PPP2R2B: variants seen among roughly 807,000 people sequenced by gnomAD.
The protein encoded by PPP2R2B is serine/threonine-protein phosphatase 2A 55 kDa regulatory subunit B beta isoform.
Under a neutral mutation model 46.0 loss-of-function variants are expected in PPP2R2B, and 5 were observed. The observed-to-expected ratio is 0.11, with a 90% CI of 0.06 to 0.23. PPP2R2B has a LOEUF of 0.23. PPP2R2B is among the 10% of genes least tolerant of loss of function. PPP2R2B has a pLI of 1.00. For missense variants in PPP2R2B, 367 were observed against 575.0 expected, an observed-to-expected ratio of 0.64 and a Z score of 3.70; for synonymous variants, 215 against 206.7, an observed-to-expected ratio of 1.04 and a Z score of -0.34.
intron 1 of PPP2R2B, among the ~76,000 whole-genome samples, chr5:146,988,194 A>G (rs1197583395): frequency 6.6e-6 from 1 of 152,008 alleles, no homozygotes; most frequent in East Asian, 1.9e-4. Context: ...ACCCAACTTC[A>G]GCAATGAACA....
chr5:146,775,100 AAAACAAAAACACAG>A (rs1282466828), intron 2 of PPP2R2B, among the ~76,000 whole-genome samples: 3 of 152,198 alleles, frequency 2.0e-5, no homozygotes, highest in East Asian at 3.9e-4. Flanking sequence ...CAAAAAAACG[AAAACAAAAACACAG>A]AAACAAAAAC....
At chr5:146,817,411 A>G (rs909283122) in intron 2 of PPP2R2B, among the ~76,000 whole-genome samples, 3 of 152,294 alleles carry the variant, frequency 2.0e-5, no homozygotes, top group African/African-American at 7.2e-5. Context: ...TTTGATGATA[A>G]ATGTATTTAT....
At chr5:146,678,797 C>T (rs62375668) in intron 5 of PPP2R2B, among the ~76,000 whole-genome samples, 5 of 126,920 alleles carry the variant, frequency 3.9e-5, no homozygotes, top group East Asian at 2.6e-4. Context: ...TTCACAATTG[C>T]TTCAAAGAGA....
At chr5:146,598,933 CT>C (rs1387652334) in intron 8 of PPP2R2B, among the ~76,000 whole-genome samples, 1 of 152,084 alleles carries the variant, frequency 6.6e-6, no homozygotes, top group African/African-American at 2.4e-5. Context: ...TGTGAGTAAA[CT>C]AAGATCATTG....
chr5:146,864,106 A>G lies in PPP2R2B; in HGVS notation c.70+13896T>C, dbSNP rs549447153. Reference sequence around the variant, plus strand: ...TAGAAACTTGTTCTAAAAAATAAAGACACGGTTTAGAGTCATGCCATTATT... The same window carrying G: ...TAGAAACTTGTTCTAAAAAATAAAGGCACGGTTTAGAGTCATGCCATTATT... On this transcript the variant is annotated intron_variant, in intron 2 of 9. Coordinates refer to ENST00000394411, the MANE Select transcript of PPP2R2B (RefSeq NM_181675.4). Among the ~76,000 whole-genome samples the G allele has an allele frequency of 3.3e-5, 5 of 152,330 alleles. No individual in the cohort carries two copies. In the East Asian group the frequency reaches 9.6e-4, roughly 29 times the overall value.
intron 5 of PPP2R2B, among the ~76,000 whole-genome samples, chr5:146,666,348 C>T (rs1241473289): frequency 1.3e-5 from 2 of 152,116 alleles, no homozygotes; most frequent in Admixed American, 6.6e-5. Flanking sequence ...AGATATGGAA[C>T]CGTAAATATA....
At chr5:146,818,339 TA>T (rs1327445786) in intron 2 of PPP2R2B, among the ~76,000 whole-genome samples, 2 of 145,480 alleles carry the variant, frequency 1.4e-5, no homozygotes, top group East Asian at 2.1e-4. Flanking sequence ...TCATCTATGC[TA>T]AAAAAAATTC....
chr5:146,754,156 C>T (rs1013750024), intron 2 of PPP2R2B, among the ~76,000 whole-genome samples: 2 of 152,170 alleles, frequency 1.3e-5, no homozygotes, highest in Admixed American at 6.5e-5. Context: ...TTACAACAGC[C>T]GTTCTGGAGG....
chr5:147,023,936 T>C (rs933627875), intron 1 of PPP2R2B, among the ~76,000 whole-genome samples: 1 of 152,198 alleles, frequency 6.6e-6, no homozygotes, highest in Non-Finnish European at 1.5e-5. Context: ...TGCGTCTTCA[T>C]CTGCAGAATT....
At chr5:146,913,131 G>A (rs573322156) in intron 1 of PPP2R2B, among the ~76,000 whole-genome samples, 2 of 152,342 alleles carry the variant, frequency 1.3e-5, no homozygotes, top group South Asian at 4.1e-4. Flanking sequence ...AGGCAAGAAT[G>A]AGTTTATATT....
intron 1 of PPP2R2B, among the ~76,000 whole-genome samples, chr5:147,049,714 A>T (rs1432537886): frequency 6.6e-6 from 1 of 152,128 alleles, no homozygotes; most frequent in Non-Finnish European, 1.5e-5. Context: ...TTCAGGAAGG[A>T]TGGAGCAATC....
At chr5:146,646,458 G>A (rs955874001) in intron 6 of PPP2R2B, among the ~76,000 whole-genome samples, 2 of 152,168 alleles carry the variant, frequency 1.3e-5, no homozygotes, top group South Asian at 4.1e-4. Flanking sequence ...AGCCTATTAA[G>A]ACGAAAGTTT....
At chr5:146,590,250 A>G (rs199686863) in intron 9 of PPP2R2B, 24 bp from the exon 10 acceptor site, 105 of 1,539,222 alleles carry the variant, frequency 6.8e-5, no homozygotes, top group African/African-American at 8.1e-5. Context: ...AGCAAAGGCA[A>G]TGACATATCT....
chr5:146,881,189 T>C (rs1469425974), upstream of PPP2R2B, among the ~76,000 whole-genome samples: 2 of 152,308 alleles, frequency 1.3e-5, no homozygotes, highest in Non-Finnish European at 1.5e-5. Context: ...CATTTCCGCA[T>C]GCTATGTTCT....
At chr5:146,970,576 G>A (rs1301104300) in intron 1 of PPP2R2B, among the ~76,000 whole-genome samples, 2 of 151,722 alleles carry the variant, frequency 1.3e-5, no homozygotes, top group South Asian at 4.2e-4. Context: ...CCAGTCTAGG[G>A]GACAGAGGAG....
intron 2 of PPP2R2B, among the ~76,000 whole-genome samples, chr5:146,841,047 A>C (rs189764099): frequency 1.2e-3 from 181 of 152,272 alleles, no homozygotes; most frequent in African/African-American, 3.8e-3. Flanking sequence ...GATTCAGGAG[A>C]GGTAACAAAG....
At chr5:146,812,803 A>G (rs1236724287) in intron 2 of PPP2R2B, among the ~76,000 whole-genome samples, 9 of 52,734 alleles carry the variant, frequency 1.7e-4, no homozygotes, top group African/African-American at 5.7e-4. Flanking sequence ...GTATATATAT[A>G]TATATATATA....
intron 2 of PPP2R2B, among the ~76,000 whole-genome samples, chr5:146,712,544 A>G (rs947590014): frequency 2.0e-5 from 3 of 152,234 alleles, no homozygotes; most frequent in African/African-American, 7.2e-5. Flanking sequence ...CTTCATGGTC[A>G]TGTAGCAGTT....
intron 1 of PPP2R2B, among the ~76,000 whole-genome samples, chr5:146,965,295 T>C (rs1030720868): frequency 6.6e-6 from 1 of 152,162 alleles, no homozygotes; most frequent in African/African-American, 2.4e-5. Context: ...TACATACACA[T>C]AATTTGTCCC....
Sources: allele counts gnomAD v4.1 joint callset (sites outside exome capture counted in the v4.1 genomes callset), GRCh38; gene constraint gnomAD v4.1.1; transcripts MANE v1.5; gene names NCBI Gene and HGNC (gene_info 2026-07-23, HGNC 2026-07-21).